PDYN: variants seen among roughly 807,000 people sequenced by gnomAD.
PDYN encodes the protein proenkephalin-B.
PDYN carries 5 observed loss-of-function variants against 11.4 expected under a neutral mutation model. The ratio of observed to expected loss-of-function variants is 0.44; its 90% CI spans 0.23 to 0.92. The LOEUF is 0.92. Among genes scored for constraint, PDYN ranks in the 40% least tolerant of loss-of-function variants. The pLI is 0.24. For missense variants in PDYN, 337 were observed against 317.3 expected (o/e 1.06, Z -0.47); for synonymous variants, 132 against 129.5 (o/e 1.02, Z -0.13).
At chr20:1,989,907 A>G (rs1470015515) in intron 2 of PDYN, among the ~76,000 whole-genome samples, 1 of 152,080 alleles carries the variant, frequency 6.6e-6, no homozygotes, top group Non-Finnish European at 1.5e-5. Flanking sequence ...AGCCCCGTGC[A>G]CTCCAGGTGC....
Position 1,983,066 on chromosome 20 carries a change from C to A in PDYN, c.19G>T (p.Val7Phe). 1.2e-6 allele frequency: 2 copies of A among 1,613,610 alleles called. No individual in the cohort carries two copies. The highest frequency in any genetic ancestry group is 2.2e-5 in the South Asian group (2 of 91,078). Residue 7 changes from valine (V) to phenylalanine (F), a missense_variant, in exon 3 of 4, where the codon GTC (valine) becomes TTC (phenylalanine). Val to Phe is a conservative substitution (Grantham distance 50). Coordinates refer to ENST00000217305, the MANE Select transcript of PDYN (RefSeq NM_024411.5). Reference sequence around the variant, plus strand: ...AACATGAGGAGGCAGGCAGCCAGGACCAGCCCCTGCCAGGCCATCCTGTCT... The same window carrying A: ...AACATGAGGAGGCAGGCAGCCAGGAACAGCCCCTGCCAGGCCATCCTGTCT... MAWQGL[V>F]LAACLLMFPS...
rs372110453 is a variant in PDYN, at chr20:1,978,851, G to A, written c.*1472C>T. 8 of 152,252 alleles carry A rather than the reference G, an allele frequency of 5.3e-5. No individual in the cohort carries two copies. The South Asian group carries it at 1.0e-3, about 20-fold the overall frequency. 9.4% of individuals were successfully genotyped at this position (152,252 alleles called of 1,614,324 possible). Reference sequence around the variant, plus strand: ...CAAATTCCAAGTAAATTGCATAAATGGGATTTTTTTAAAGGACACAAAATA... The same window carrying A: ...CAAATTCCAAGTAAATTGCATAAATAGGATTTTTTTAAAGGACACAAAATA... On this transcript the variant is annotated 3_prime_UTR_variant, in exon 4 of 4. Coordinates refer to ENST00000217305, the MANE Select transcript of PDYN (RefSeq NM_024411.5).
chr20:1,993,777 A>C (rs998679866), intron 1 of PDYN, 134 bp downstream of exon 1: 2 of 152,284 alleles, frequency 1.3e-5, no homozygotes, highest in South Asian at 4.1e-4. Context: ...TCCTAACTGT[A>C]ACCACCTTTG....
At chr20:1,987,167 A>G (rs1023952893) in intron 2 of PDYN, among the ~76,000 whole-genome samples, 1 of 152,144 alleles carries the variant, frequency 6.6e-6, no homozygotes, top group East Asian at 1.9e-4. Context: ...CAGAGGATGG[A>G]TAATGCCGGC....
intron 3 of PDYN, among the ~76,000 whole-genome samples, chr20:1,981,374 T>A (rs1987776505): frequency 6.6e-6 from 1 of 152,112 alleles, no homozygotes; most frequent in African/African-American, 2.4e-5. Flanking sequence ...GACAGAGAAG[T>A]GCAGCATGGC....
chr20:1,982,651 A>C (rs767805724), intron 3 of PDYN, among the ~76,000 whole-genome samples: 2 of 152,162 alleles, frequency 1.3e-5, no homozygotes, highest in Non-Finnish European at 2.9e-5. Context: ...GTCAATCTAG[A>C]GCTGCTGACT....
At chr20:1,982,895 T>C in intron 3 of PDYN, 61 bp downstream of exon 3, 1 of 1,589,142 alleles carries the variant, frequency 6.3e-7, no homozygotes, top group Non-Finnish European at 8.6e-7. Flanking sequence ...ACCTCCCCTC[T>C]CTGGGCTGCC....
At position 1,980,762 on chromosome 20, in the gene PDYN, C is replaced by A. The variant is rs775411344; in HGVS notation, c.326G>T (p.Ser109Ile). The A allele has an allele frequency of 6.2e-7, 1 of 1,614,178 alleles. No homozygotes were observed. Among genetic ancestry groups the A allele is most frequent in the Non-Finnish European group, 8.5e-7 (1 of 1,180,016 alleles). Residue 109 changes from serine (S) to isoleucine (I), a missense_variant, in exon 4 of 4, where the codon AGC (serine) becomes ATC (isoleucine). Transcript: ENST00000217305. ...TGTTGAGATACTTGGGAGAAACTTG[C>A]TTTTCTCCAGCTCCTTCAGGAATGA... ...SGSFLKELEK[S>I]KFLPSISTKE...
chr20:1,984,005 C>A (rs1355829788), intron 2 of PDYN, among the ~76,000 whole-genome samples: 8 of 152,214 alleles, frequency 5.3e-5, no homozygotes, highest in Admixed American at 3.3e-4. Flanking sequence ...TTAGATATTA[C>A]TTCACCCAGG....
intron 2 of PDYN, among the ~76,000 whole-genome samples, chr20:1,988,351 A>G (rs1278016808): frequency 6.6e-6 from 1 of 152,160 alleles, no homozygotes; most frequent in Non-Finnish European, 1.5e-5. Flanking sequence ...TCACAATTTC[A>G]TAGGTGATCC....
intron 2 of PDYN, among the ~76,000 whole-genome samples, chr20:1,985,028 C>T (rs1018405253): frequency 3.3e-5 from 5 of 152,212 alleles, no homozygotes; most frequent in African/African-American, 1.2e-4. Flanking sequence ...CACTCCACCC[C>T]ACCCTGGCCA....
Position 1,980,618 on chromosome 20 carries a change from T to A in PDYN, c.470A>T (p.Glu157Val). 6.2e-7 allele frequency: 1 copy of A among 1,614,098 alleles called. No individual in the cohort carries two copies. Among genetic ancestry groups the A allele is most frequent in the Non-Finnish European group, 8.5e-7 (1 of 1,179,980 alleles). ...CTCAGCGAGATAGAGTGTGCCAGTC[T>A]CCATGGCACCATCGTTCAGCTGGGC... ...RDAQLNDGAM[E>V]TGTLYLAEED... is the part of the protein sequence containing the mutation. Residue 157 changes from glutamate to valine, a missense_variant, in exon 4 of 4, where the codon GAG becomes GTG. By Grantham distance (121) the Glu-to-Val change is moderately radical (BLOSUM62 -2). Coordinates refer to ENST00000217305, the MANE Select transcript of PDYN (RefSeq NM_024411.5).
intron 2 of PDYN, among the ~76,000 whole-genome samples, chr20:1,988,110 T>C (rs892788790): frequency 6.6e-6 from 1 of 152,198 alleles, no homozygotes; most frequent in African/African-American, 2.4e-5. Flanking sequence ...CTCAGGAGCC[T>C]ACTGGGTGCC....
At chr20:1,990,581 C>G (rs1012904715) in intron 2 of PDYN, among the ~76,000 whole-genome samples, 2 of 152,160 alleles carry the variant, frequency 1.3e-5, no homozygotes, top group African/African-American at 4.8e-5. Flanking sequence ...ATGAGGGTCC[C>G]GTTTGGTGGT....
chr20:1,983,690 C>T (rs1305892046), intron 2 of PDYN, among the ~76,000 whole-genome samples: 1 of 152,196 alleles, frequency 6.6e-6, no homozygotes, highest in Non-Finnish European at 1.5e-5. Context: ...GCCTCCCTGC[C>T]TGCCTCCAGT....
At position 1,983,197 on chromosome 20, in the gene PDYN, C is replaced by G. The variant is rs1016518225; in HGVS notation, c.-19-94G>C. 3.6e-5 allele frequency: 39 copies of G among 1,083,146 alleles called. No individual in the cohort carries two copies. The African/African-American group carries it at 5.9e-4, about 16-fold the overall frequency. 67.1% of individuals were successfully genotyped at this position (1,083,146 alleles called of 1,614,324 possible). ...CAAAGTCATCTCTAACTCCTGCCCA[C>G]AGCACTGCAAAGCATTCTGATTCCC... On this transcript the variant is annotated intron_variant, in intron 2 of 3. Transcript: ENST00000217305.
chr20:1,980,333 A>G lies in PDYN; in HGVS notation c.755T>C (p.Phe252Ser). The G allele has an allele frequency of 6.2e-7, 1 of 1,614,162 alleles. No individual in the cohort carries two copies. The highest frequency in any genetic ancestry group is 8.5e-7 in the Non-Finnish European group (1 of 1,180,030). The change falls in exon 4 of 4, where the codon TTT becomes TCT. Residue 252 changes from phenylalanine to serine, a missense_variant. Physicochemically the swap from Phe to Ser is radical, Grantham distance 155 (BLOSUM62 -2). Coordinates refer to ENST00000217305, the MANE Select transcript of PDYN (RefSeq NM_024411.5). Reference protein sequence around the residue: ...EDPNAYSGELFDA With the variant: ...EDPNAYSGELSDA ...CATGAAAAGAGGTGCTTATGCATCA[A>G]AAAGCTCTCCAGAGTAAGCATTCGG...
chr20:1,984,338 A>C (rs924096759), intron 2 of PDYN, among the ~76,000 whole-genome samples: 2 of 152,168 alleles, frequency 1.3e-5, no homozygotes, highest in African/African-American at 4.8e-5. Flanking sequence ...ATGTCTAATG[A>C]GGCTTCCTTG....
chr20:1,991,374 C>T (rs182740702), intron 2 of PDYN, among the ~76,000 whole-genome samples: 31 of 152,318 alleles, frequency 2.0e-4, no homozygotes, highest in Admixed American at 1.7e-3. Flanking sequence ...TGGATGGACT[C>T]GGAGGAGCCC....
Sources: gnomAD v4.1 joint callset for allele counts (sites outside exome capture counted in the v4.1 genomes callset) on GRCh38, gnomAD v4.1.1 for gene constraint, MANE v1.5 for transcripts, NCBI Gene and HGNC (gene_info 2026-07-23, HGNC 2026-07-21) for gene names.